The following LMNA variants were observed in gnomAD, a reference collection of about 807,000 sequenced individuals.
LMNA encodes the protein lamin A/C.
A neutral mutation model predicts 70.4 loss-of-function variants in LMNA; 20 were observed. That is an observed-to-expected ratio of 0.28 (90% CI 0.20 to 0.41). LMNA has a LOEUF of 0.41. LMNA is among the 10% of genes least tolerant of loss of function. The probability of loss-of-function intolerance (pLI) is 1.00; values close to 1 mark genes in which losing one functional copy is unlikely to be tolerated. For synonymous variants in LMNA, 339 were observed against 372.8 expected (o/e 0.91, Z 1.04); for missense variants, 652 against 917.2 (o/e 0.71, Z 3.73).
chr1:156,123,687 T>TAG (rs1650354423), intron 1 of LMNA, among the ~76,000 whole-genome samples: 1 of 152,070 alleles, frequency 6.6e-6, no homozygotes, highest in South Asian at 2.1e-4. Context: ...GAATGATTTC[T>TAG]AGAGAGAGAG....
upstream of LMNA, among the ~76,000 whole-genome samples, chr1:156,111,318 A>G (rs761802080): frequency 2.6e-5 from 4 of 151,786 alleles, no homozygotes; most frequent in Non-Finnish European, 5.9e-5. Flanking sequence ...GCGTGGTGGC[A>G]CACGCCTGTA....
chr1:156,114,877 C>T lies in LMNA; in HGVS notation c.-42C>T, dbSNP rs761922735. 8.5e-6 allele frequency: 12 copies of T among 1,412,358 alleles called. No individual in the cohort carries two copies. The highest frequency in any genetic ancestry group is 2.5e-5 in the East Asian group (1 of 39,962). 87.5% of individuals were successfully genotyped at this position (1,412,358 alleles called of 1,614,324 possible). A position where few individuals can be genotyped will look rare whatever the true frequency, so the allele number is the denominator to read the frequency against. On this transcript the variant is annotated 5_prime_UTR_variant, in exon 1 of 12. Transcript: ENST00000368300. ...TTCGACCCGAGCCCCGCGCCCTTTC[C>T]GGGACCCCTGCCCCGCGGGCAGCGC...
At position 156,139,539 on chromosome 1, in the gene LMNA, G is replaced by A. The variant is rs867125907; in HGVS notation, c.*433G>A. Reference sequence around the variant, plus strand: ...GAGAGGCAGGCATAGAGGCTTCTCCGCCAGCCTCCTCTGGACGGCAGGCTC... The same window carrying A: ...GAGAGGCAGGCATAGAGGCTTCTCCACCAGCCTCCTCTGGACGGCAGGCTC... On this transcript the variant is annotated 3_prime_UTR_variant, in exon 12 of 12. Coordinates refer to ENST00000368300, the MANE Select transcript of LMNA (RefSeq NM_170707.4). The A allele has an allele frequency of 5.6e-5, 77 of 1,365,978 alleles. No homozygotes were observed. The Middle Eastern group carries it at 3.1e-3, about 54-fold the overall frequency. 84.6% of individuals were successfully genotyped at this position (1,365,978 alleles called of 1,614,324 possible).
At chr1:156,127,171 G>T (rs1210149360) in intron 1 of LMNA, among the ~76,000 whole-genome samples, 2 of 152,124 alleles carry the variant, frequency 1.3e-5, no homozygotes, top group Admixed American at 1.3e-4. Flanking sequence ...TAGGTCTGAG[G>T]ACCCCTCCTA....
At chr1:156,132,830 T>C (rs1025839421) in intron 2 of LMNA, among the ~76,000 whole-genome samples, 1 of 138,132 alleles carries the variant, frequency 7.2e-6, no homozygotes, top group African/African-American at 2.7e-5. Context: ...CTCCTCTCTC[T>C]CTCTCTCTTT....
chr1:156,137,824 C>G lies in LMNA; in HGVS notation c.1698+81C>G. 3 of 1,542,354 alleles carry G rather than the reference C, an allele frequency of 1.9e-6. No homozygotes were observed. Among genetic ancestry groups the G allele is most frequent in the Non-Finnish European group, 2.6e-6 (3 of 1,145,386 alleles). ...TGGGGGCAGCCTCTCCCCAGCCTCC[C>G]CGTGCCAAAAATCTTTTCATTAAAG... On this transcript the variant is annotated intron_variant, in intron 10 of 11. Transcript: ENST00000368300. The surrounding 1 kb of genome is among the most constrained non-coding windows in gnomAD (Gnocchi z 4.6).
At chr1:156,133,549 T>C (rs1179257872) in intron 2 of LMNA, among the ~76,000 whole-genome samples, 3 of 151,544 alleles carry the variant, frequency 2.0e-5, no homozygotes, top group Non-Finnish European at 4.4e-5. Flanking sequence ...CCAGCCTAGG[T>C]GACAGAGCGA....
In LMNA at chr1:156,136,360, G is replaced by C; in HGVS notation, c.1304G>C (p.Arg435Pro). The C allele has an allele frequency of 6.2e-7, 1 of 1,612,072 alleles. No individual in the cohort carries two copies. The highest frequency in any genetic ancestry group is 8.5e-7 in the Non-Finnish European group (1 of 1,179,972). The part of the protein sequence containing the change: ...ESRSSFSQHA[R>P]TSGRVAVEEV... Reference sequence around the variant, plus strand: ...CGCAGCAGCTTCTCACAGCACGCACGCACTAGCGGGCGCGTGGCCGTGGAG... The same window carrying C: ...CGCAGCAGCTTCTCACAGCACGCACCCACTAGCGGGCGCGTGGCCGTGGAG... The change falls in exon 7 of 12, where the codon CGC becomes CCC. Residue 435 changes from arginine (R) to proline (P), a missense_variant. Physicochemically the swap from Arg to Pro is moderately radical, Grantham distance 103. Around this residue, in one of 4 missense-constraint regions of LMNA, gnomAD observed 327 missense variants for 387.6 expected, o/e 0.84. Transcript: ENST00000368300. This position sits in a 1 kb window ranked among gnomAD's most constrained non-coding sequence, Gnocchi z 6.1.
chr1:156,088,673 G>A (rs142200961), intron 2 of LMNA, among the ~76,000 whole-genome samples: 374 of 152,180 alleles, frequency 2.5e-3, no homozygotes, highest in African/African-American at 8.6e-3. Context: ...TTTTTGAGAC[G>A]GAGTCTCGCT....
intron 1 of LMNA, chr1:156,126,732 T>C (rs923906543): frequency 2.7e-5 from 42 of 1,562,886 alleles, no homozygotes; most frequent in Non-Finnish European, 3.6e-5. Context: ...CTTTCTGAGA[T>C]CAGATTTGCC....
At chr1:156,102,936 T>A (rs1649193634) in intron 3 of LMNA, among the ~76,000 whole-genome samples, 1 of 152,230 alleles carries the variant, frequency 6.6e-6, no homozygotes, top group Admixed American at 6.5e-5. Flanking sequence ...CCTTCGGGTC[T>A]GCCTTATTTC....
rs11264436 is a variant in LMNA, at chr1:156,101,097, C to A, written c.-207+10515C>A. On this transcript the variant is annotated intron_variant, in intron 3 of 12. Coordinates refer to the LMNA transcript ENST00000368301. ...AGAGCCTAGGTCTCGGAGGGCATTA[C>A]AAGTCAGGTCAAGGAATTTGGACTT... Among the ~76,000 whole-genome samples the A allele has an allele frequency of 2.6e-5, 4 of 152,194 alleles. No homozygotes were observed. The East Asian group carries it at 7.7e-4, about 29-fold the overall frequency.
chr1:156,133,671 G>A (rs560002805), intron 2 of LMNA, among the ~76,000 whole-genome samples: 1 of 152,058 alleles, frequency 6.6e-6, no homozygotes, highest in Non-Finnish European at 1.5e-5. Context: ...ATCTCTTCAT[G>A]AGCCAGCCCC....
intron 2 of LMNA, among the ~76,000 whole-genome samples, chr1:156,088,523 G>A (rs1344289308): frequency 2.0e-5 from 3 of 148,740 alleles, no homozygotes; most frequent in African/African-American, 7.5e-5. Flanking sequence ...TGGTCTTTGG[G>A]GTAGAGCACG....
At chr1:156,113,441 G>T (rs1377185897), upstream of LMNA, among the ~76,000 whole-genome samples, 1 of 152,160 alleles carries the variant, frequency 6.6e-6, no homozygotes, top group African/African-American at 2.4e-5. Context: ...GAGGATGGAG[G>T]CTCCAGAGCC....
rs1392409553 is a variant in LMNA at position 156,139,717 on chromosome 1, T to C, written c.*611T>C. ...CCCACCCCTGCCCCCAGCCCCGGGG[T>C]GAGTCCATTCTCCCAGGTACCAGCT... On this transcript the variant is annotated 3_prime_UTR_variant, in exon 12 of 12. Transcript: ENST00000368300. 1 of 1,331,390 alleles carries C rather than the reference T, an allele frequency of 7.5e-7. No individual in the cohort carries two copies. Among genetic ancestry groups the C allele is most frequent in the Non-Finnish European group, 9.9e-7 (1 of 1,013,088 alleles). 82.5% of individuals were successfully genotyped at this position (1,331,390 alleles called of 1,614,324 possible).
At chr1:156,094,763 G>C (rs925319452) in intron 3 of LMNA, among the ~76,000 whole-genome samples, 2 of 151,334 alleles carry the variant, frequency 1.3e-5, no homozygotes, top group East Asian at 3.9e-4. Context: ...TTAGCTCCTA[G>C]TGCTTTCTTT....
intron 2 of LMNA, chr1:156,090,369 C>A (rs563605614): frequency 6.6e-6 from 1 of 152,228 alleles, no homozygotes; most frequent in Middle Eastern, 3.4e-3. Context: ...GTCATGCTTC[C>A]TTTTTCAGGA....
In LMNA at chr1:156,115,457, A is replaced by G. The variant is rs1280132375; in HGVS notation, c.356+183A>G. On this transcript the variant is annotated intron_variant, in intron 1 of 11. Transcript: ENST00000368300. The surrounding 1 kb of genome is among the most constrained non-coding windows in gnomAD (Gnocchi z 5.8). ...CAGTGTCAAGGGGAATTGTCAAGAC[A>G]GGACAGAGAGGGAAGTGGTGGTCTC... Among the ~76,000 whole-genome samples, 1 of 152,202 alleles carries G rather than the reference A, an allele frequency of 6.6e-6. No homozygotes were observed. Among genetic ancestry groups the G allele is most frequent in the East Asian group, 1.9e-4 (1 of 5,192 alleles).
Sources: allele counts gnomAD v4.1 joint callset (sites outside exome capture counted in the v4.1 genomes callset), GRCh38; gene constraint gnomAD v4.1.1; regional missense constraint gnomAD v4.1.1; non-coding constraint Gnocchi (gnomAD v3.1); transcripts MANE v1.5; gene names NCBI Gene and HGNC (gene_info 2026-07-23, HGNC 2026-07-21).